The following PCDH10 variants were observed in gnomAD, a reference collection of about 807,000 sequenced individuals.
PCDH10 encodes the protein protocadherin 10.
A neutral mutation model predicts 74.4 loss-of-function variants in PCDH10; 15 were observed. The observed-to-expected ratio is 0.20, with a 90% CI of 0.13 to 0.31. The LOEUF (loss-of-function observed/expected upper bound fraction) is 0.31, where lower values mean the gene tolerates loss of function less well. Among genes scored for constraint, PCDH10 ranks in the 10% least tolerant of loss-of-function variants. The probability of loss-of-function intolerance (pLI) is 1.00; values close to 1 mark genes in which losing one functional copy is unlikely to be tolerated. For missense variants in PCDH10, 1,260 were observed against 1,390.2 expected (o/e 0.91, Z 1.49); for synonymous variants, 619 against 589.8 (o/e 1.05, Z -0.72).
chr4:133,180,005 A>G (rs752977060), intron 4 of PCDH10, among the ~76,000 whole-genome samples: 12 of 152,046 alleles, frequency 7.9e-5, no homozygotes, highest in Non-Finnish European at 1.3e-4. Context: ...AACCATTTCC[A>G]GTCCTAAATA....
chr4:133,204,770 G>A (rs1004372256), intron 2 of PCDH10, among the ~76,000 whole-genome samples: 1 of 152,106 alleles, frequency 6.6e-6, no homozygotes, highest in Non-Finnish European at 1.5e-5. Context: ...TGGTGAGGGA[G>A]GGATTCCTGC....
intron 2 of PCDH10, among the ~76,000 whole-genome samples, chr4:133,206,818 A>T (rs1178457088): frequency 6.6e-6 from 1 of 152,192 alleles, no homozygotes; most frequent in Non-Finnish European, 1.5e-5. Flanking sequence ...TTATAAGCAT[A>T]ATGCAGAATG....
chr4:133,189,676 C>T (rs1165094826), intron 4 of PCDH10, among the ~76,000 whole-genome samples: 1 of 151,960 alleles, frequency 6.6e-6, no homozygotes, highest in Non-Finnish European at 1.5e-5. Flanking sequence ...TACATAAACA[C>T]TTTCTGGTAC....
At chr4:133,188,517 T>C (rs564620945) in intron 4 of PCDH10, among the ~76,000 whole-genome samples, 1 of 152,236 alleles carries the variant, frequency 6.6e-6, no homozygotes, top group African/African-American at 2.4e-5. Context: ...CTACCATATA[T>C]TGTATCGAAT....
chr4:133,169,321 T>C (rs1403994682), intron 4 of PCDH10, among the ~76,000 whole-genome samples: 1 of 151,790 alleles, frequency 6.6e-6, no homozygotes, highest in Non-Finnish European at 1.5e-5. Flanking sequence ...TTCACAGATA[T>C]ATGGTTAAGT....
chr4:133,182,203 T>TC (rs1727431374), intron 4 of PCDH10, among the ~76,000 whole-genome samples: 1 of 152,064 alleles, frequency 6.6e-6, no homozygotes, highest in Admixed American at 6.6e-5. Flanking sequence ...GAATGACCAA[T>TC]CCCATTCAGC....
At chr4:133,182,110 C>G (rs535816517) in intron 4 of PCDH10, among the ~76,000 whole-genome samples, 4 of 151,878 alleles carry the variant, frequency 2.6e-5, no homozygotes, top group Admixed American at 6.6e-5. Context: ...GATGAAGTTG[C>G]GCACATCACA....
At chr4:133,154,620 C>T (rs1726823827) in intron 2 of PCDH10, among the ~76,000 whole-genome samples, 1 of 152,158 alleles carries the variant, frequency 6.6e-6, no homozygotes, top group African/African-American at 2.4e-5. Flanking sequence ...CGATAGTCTT[C>T]CTCACTGTTC....
At chr4:133,182,017 T>G (rs902119159) in intron 4 of PCDH10, among the ~76,000 whole-genome samples, 12 of 152,128 alleles carry the variant, frequency 7.9e-5, no homozygotes, top group Admixed American at 5.9e-4. Context: ...TGGCTATATG[T>G]TTTTTAATGA....
intron 4 of PCDH10, among the ~76,000 whole-genome samples, chr4:133,172,325 T>C (rs933524750): frequency 6.6e-6 from 1 of 152,040 alleles, no homozygotes; most frequent in Non-Finnish European, 1.5e-5. Flanking sequence ...CTACTTATTA[T>C]TTAAATTTCC....
chr4:133,198,619 A>G (rs1447708598), downstream of PCDH10, among the ~76,000 whole-genome samples: 1 of 152,190 alleles, frequency 6.6e-6, no homozygotes, highest in Non-Finnish European at 1.5e-5. Flanking sequence ...GTGTCTTCCT[A>G]ATTCTAAGAT....
chr4:133,189,430 C>A (rs1727611835), intron 4 of PCDH10, among the ~76,000 whole-genome samples: 1 of 151,900 alleles, frequency 6.6e-6, no homozygotes, highest in Non-Finnish European at 1.5e-5. Flanking sequence ...ATTATGAAAT[C>A]TGGGCAATCA....
chr4:133,203,197 TG>T (rs1258202091), intron 2 of PCDH10, among the ~76,000 whole-genome samples: 1 of 152,150 alleles, frequency 6.6e-6, no homozygotes, highest in Non-Finnish European at 1.5e-5. Flanking sequence ...TGTCAGCTTA[TG>T]GCCATGGTAT....
intron 4 of PCDH10, among the ~76,000 whole-genome samples, chr4:133,189,148 A>G (rs1013597341): frequency 6.6e-6 from 1 of 152,118 alleles, no homozygotes; most frequent in Non-Finnish European, 1.5e-5. Flanking sequence ...ACATGTTCTT[A>G]TCTTTGTTTA....
chr4:133,165,991 C>T (rs906538269), intron 4 of PCDH10, among the ~76,000 whole-genome samples: 6 of 151,686 alleles, frequency 4.0e-5, no homozygotes, highest in Admixed American at 6.6e-5. Flanking sequence ...ACAAAAGACC[C>T]ATGAAGAGTA....
chr4:133,157,569 AGTAG>A (rs1726892301), intron 3 of PCDH10, among the ~76,000 whole-genome samples: 1 of 152,218 alleles, frequency 6.6e-6, no homozygotes, highest in Non-Finnish European at 1.5e-5. Flanking sequence ...ACTAGGTTTT[AGTAG>A]GGAAAAGTTA....
chr4:133,170,145 T>G (rs1470386218), intron 4 of PCDH10, among the ~76,000 whole-genome samples: 1 of 152,022 alleles, frequency 6.6e-6, no homozygotes, highest in Non-Finnish European at 1.5e-5. Flanking sequence ...AAGACATAGA[T>G]AAAAACAAAT....
rs1188942853 is a variant in PCDH10, at chr4:133,190,368, A to C, written c.*208A>C. On this transcript the variant is annotated 3_prime_UTR_variant, in exon 5 of 5. Coordinates refer to ENST00000264360, the MANE Select transcript of PCDH10 (RefSeq NM_032961.3). ...GAGTTGAAATGTGCAGAACTGTAGA[A>C]ACTTTAGAGGCAACAGATTTTGCCT... 2.7e-5 allele frequency: 16 copies of C among 599,552 alleles called. No homozygotes were observed. Among genetic ancestry groups the C allele is most frequent in the Non-Finnish European group, 4.3e-5 (14 of 329,186 alleles). 37.1% of individuals were successfully genotyped at this position (599,552 alleles called of 1,614,324 possible).
At chr4:133,154,453 G>A in intron 2 of PCDH10, 88 bp downstream of exon 2, 1 of 701,162 alleles carries the variant, frequency 1.4e-6, no homozygotes, top group Non-Finnish European at 2.4e-6. Context: ...AATTAAAATT[G>A]AAATGTATAA....
Sources: gnomAD v4.1 joint callset for allele counts (sites outside exome capture counted in the v4.1 genomes callset) on GRCh38, gnomAD v4.1.1 for gene constraint, MANE v1.5 for transcripts, NCBI Gene and HGNC (gene_info 2026-07-23, HGNC 2026-07-21) for gene names.